CDHR1: variants seen among roughly 807,000 people sequenced by gnomAD.
The protein encoded by CDHR1 is cadherin-related family member 1.
A neutral mutation model predicts 72.1 loss-of-function variants in CDHR1; 61 were observed. That is an observed-to-expected ratio of 0.85 (90% CI 0.69 to 1.05). CDHR1 has a LOEUF of 1.05. Among genes scored for constraint, CDHR1 ranks in the 50% least tolerant of loss-of-function variants. The probability of loss-of-function intolerance (pLI) is 0.00; values close to 1 mark genes in which losing one functional copy is unlikely to be tolerated. For missense variants in CDHR1, 1,186 were observed against 1,115.7 expected (o/e 1.06, Z -0.90); for synonymous variants, 470 against 448.1 (o/e 1.05, Z -0.62).
intron 4 of CDHR1, among the ~76,000 whole-genome samples, chr10:84,198,122 C>T (rs1842059988): frequency 6.6e-6 from 1 of 152,210 alleles, no homozygotes; most frequent in African/African-American, 2.4e-5. Context: ...ATCTGCTTCC[C>T]CCACCCAGGT....
In CDHR1 at chr10:84,210,987, T is replaced by C. The variant is rs1564663852; in HGVS notation, c.1321-14T>C. On this transcript the variant is annotated splice_polypyrimidine_tract_variant and intron_variant, in intron 12 of 16. Transcript: ENST00000623527. Reference sequence around the variant, plus strand: ...TGCCTACCCAGACAAGTCCCCATTTTCCCCCCTTCCCAGCTCCTGGCTGTT... The same window carrying C: ...TGCCTACCCAGACAAGTCCCCATTTCCCCCCCTTCCCAGCTCCTGGCTGTT... The C allele has an allele frequency of 4.3e-6, 7 of 1,613,988 alleles. No individual in the cohort carries two copies. The East Asian group carries it at 6.7e-5, about 15-fold the overall frequency.
intron 15 of CDHR1, among the ~76,000 whole-genome samples, chr10:84,212,724 A>T (rs1842357566): frequency 6.6e-6 from 1 of 152,234 alleles, no homozygotes. Flanking sequence ...AATGTGGCAA[A>T]AAGGATGAAC....
chr10:84,196,399 T>C, intron 2 of CDHR1, 106 bp from the exon 3 acceptor site: 1 of 1,274,220 alleles, frequency 7.8e-7, no homozygotes, highest in Non-Finnish European at 1.1e-6. Flanking sequence ...GGCACTGAGT[T>C]GAATAGTCAC....
chr10:84,212,984 G>A (rs986279668), intron 15 of CDHR1, 107 bp from the exon 16 acceptor site: 2 of 1,395,614 alleles, frequency 1.4e-6, no homozygotes, highest in African/African-American at 1.4e-5. Context: ...ATAGGATCAG[G>A]ACCATTTCCC....
chr10:84,205,136 A>C (rs1462033820), intron 9 of CDHR1, among the ~76,000 whole-genome samples: 6 of 152,116 alleles, frequency 3.9e-5, no homozygotes, highest in Admixed American at 3.9e-4. Flanking sequence ...TGCTCTTCCC[A>C]CAGCTGGGCA....
chr10:84,206,059 C>G (rs923957860), intron 10 of CDHR1, 132 bp downstream of exon 10: 11 of 720,814 alleles, frequency 1.5e-5, no homozygotes, highest in Middle Eastern at 2.9e-4. Context: ...TAAAGAGCAC[C>G]TGCACCAGAC....
At position 84,203,706 on chromosome 10, in the gene CDHR1, G is replaced by A. The variant is rs181670823; in HGVS notation, c.783+583G>A. Reference sequence around the variant, plus strand: ...GCTGAGATTACAGGTGTGAGCCACCGCGCCCGGCCTATTATTGACTTTACA... The same window carrying A: ...GCTGAGATTACAGGTGTGAGCCACCACGCCCGGCCTATTATTGACTTTACA... On this transcript the variant is annotated intron_variant, in intron 8 of 16. Transcript: ENST00000623527. 4.9e-4 allele frequency among the ~76,000 whole-genome samples: 74 copies of A among 152,340 alleles called. 1 individual carries two copies. The highest frequency in any genetic ancestry group is 1.7e-3 in the East Asian group (9 of 5,178).
rs749196344 is a variant in CDHR1 at position 84,194,827 on chromosome 10, C to T, written c.55+12C>T. ...GCGCCTCTGCTTGGGTGAGTGGCCGCTGGGCCGCGCTGGCCGCGTGGATGG... is the reference window on the plus strand; with the variant it reads ...GCGCCTCTGCTTGGGTGAGTGGCCGTTGGGCCGCGCTGGCCGCGTGGATGG... On this transcript the variant is annotated intron_variant, in intron 1 of 16. Coordinates refer to ENST00000623527, the MANE Select transcript of CDHR1 (RefSeq NM_033100.4). The T allele has an allele frequency of 6.5e-7, 1 of 1,532,934 alleles. No homozygotes were observed. The highest frequency in any genetic ancestry group is 1.2e-5 in the South Asian group (1 of 83,948). 95.0% of individuals were successfully genotyped at this position (1,532,934 alleles called of 1,614,324 possible).
At chr10:84,198,694 C>T (rs1449074400) in intron 4 of CDHR1, among the ~76,000 whole-genome samples, 21 of 152,208 alleles carry the variant, frequency 1.4e-4, no homozygotes, top group Admixed American at 1.4e-3. Flanking sequence ...TGCAGGGGCC[C>T]CGCCCTCAGT....
At position 84,196,635 on chromosome 10, in the gene CDHR1, A is replaced by G; in HGVS notation, c.282A>G (p.Glu94=). ...CTTTTGGAAACATCACCCTGGTTGA[A>G]GAGCTGGACAGAGAGGTATGGGGAG... is the stretch of plus-strand genomic sequence containing the variant. ...DPTFGNITLV[E]ELDREREDEI... is the part of the protein sequence containing the mutation. The change falls in exon 3 of 17, where the codon GAA becomes GAG. Residue 94 remains glutamate, a synonymous_variant. Coordinates refer to ENST00000623527, the MANE Select transcript of CDHR1 (RefSeq NM_033100.4). 6.2e-7 allele frequency: 1 copy of G among 1,614,206 alleles called. No homozygotes were observed. Among genetic ancestry groups the G allele is most frequent in the Middle Eastern group, 1.6e-4 (1 of 6,062 alleles).
At position 84,194,675 on chromosome 10, in the gene CDHR1, C is replaced by T. The variant is rs1180756622; in HGVS notation, c.-86C>T. The T allele has an allele frequency of 9.6e-6, 11 of 1,150,612 alleles. No individual in the cohort carries two copies. In the Admixed American group the frequency reaches 1.9e-4, roughly 20 times the overall value. The allele number at this position is 1,150,612 out of a possible 1,614,324, so 71.3% of individuals were successfully genotyped here. A position where few individuals can be genotyped will look rare whatever the true frequency, so the allele number is the denominator to read the frequency against. On this transcript the variant is annotated 5_prime_UTR_variant, in exon 1 of 17. Transcript: ENST00000623527. ...GTCGCCGCTACCCCCATTGTGGTCT[C>T]TGCCCTCCCCGCGGGCCCAGGGCAT...
intron 15 of CDHR1, 167 bp from the exon 16 acceptor site, chr10:84,212,924 C>T (rs1589308047): frequency 2.4e-6 from 2 of 833,056 alleles, no homozygotes; most frequent in Non-Finnish European, 3.9e-6. Context: ...TAAACCCTGG[C>T]TTATAGGAGA....
At chr10:84,194,911 T>C in intron 1 of CDHR1, 96 bp downstream of exon 1, 1 of 1,187,376 alleles carries the variant, frequency 8.4e-7, no homozygotes, top group South Asian at 1.3e-5. Flanking sequence ...CCTGGACCAC[T>C]TCCAGAGTGG....
chr10:84,211,422 A>G (rs983544363), intron 13 of CDHR1, among the ~76,000 whole-genome samples: 6 of 152,310 alleles, frequency 3.9e-5, no homozygotes, highest in African/African-American at 1.4e-4. Context: ...TCATTTATAA[A>G]GGAGGGATGA....
intron 5 of CDHR1, 99 bp downstream of exon 5, chr10:84,199,220 G>A (rs1842081148): frequency 2.2e-6 from 2 of 923,990 alleles, no homozygotes; most frequent in Non-Finnish European, 1.7e-6. Flanking sequence ...CTGCCCTGTG[G>A]AGAACCTCTC....
chr10:84,195,633 G>T (rs761396262), intron 2 of CDHR1, 44 bp downstream of exon 2: 2 of 1,530,690 alleles, frequency 1.3e-6, no homozygotes, highest in African/African-American at 1.4e-5. Flanking sequence ...TCCCTGAGGG[G>T]TGCAGGCAGA....
chr10:84,201,834 C>T lies in CDHR1; in HGVS notation c.553C>T (p.Arg185Cys), dbSNP rs768976866. 26 of 1,610,404 alleles carry T rather than the reference C, an allele frequency of 1.6e-5. No individual in the cohort carries two copies. The highest frequency in any genetic ancestry group is 6.7e-5 in the East Asian group (3 of 44,878). Reference sequence around the variant, plus strand: ...CCTGCACTCCCCATTTGCCGTGGACCGCCACAGCGGTGTGCTGCGCCTCCA... The same window carrying T: ...CCTGCACTCCCCATTTGCCGTGGACTGCCACAGCGGTGTGCTGCGCCTCCA... ...QNLHSPFAVD[R>C]HSGVLRLQAG... The change falls in exon 7 of 17, where the codon CGC (arginine) becomes TGC (cysteine). Residue 185 changes from arginine (R) to cysteine (C), a missense_variant. Coordinates refer to ENST00000623527, the MANE Select transcript of CDHR1 (RefSeq NM_033100.4).
intron 1 of CDHR1, among the ~76,000 whole-genome samples, chr10:84,195,184 A>C (rs1273344589): frequency 6.6e-6 from 1 of 152,202 alleles, no homozygotes; most frequent in Non-Finnish European, 1.5e-5. Flanking sequence ...GGGCTGGGGC[A>C]CTGCCCCTCT....
chr10:84,208,990 C>A, intron 12 of CDHR1, 109 bp downstream of exon 12: 2 of 1,223,526 alleles, frequency 1.6e-6, no homozygotes, highest in Non-Finnish European at 1.2e-6. Flanking sequence ...CCCTTCCTGG[C>A]CCTACTCTTT....
Sources: allele counts gnomAD v4.1 joint callset (sites outside exome capture counted in the v4.1 genomes callset), GRCh38; gene constraint gnomAD v4.1.1; transcripts MANE v1.5; gene names NCBI Gene and HGNC (gene_info 2026-07-23, HGNC 2026-07-21).